The following UBE2D2 variants were observed in gnomAD, a reference collection of about 807,000 sequenced individuals.
UBE2D2 encodes the protein ubiquitin conjugating enzyme E2 D2, also known as ubiquitin-conjugating enzyme E2 D2.
In UBE2D2, 2 loss-of-function variants were observed where a neutral mutation model predicts 24.2. The ratio of observed to expected loss-of-function variants is 0.08; its 90% confidence interval spans 0.03 to 0.26. UBE2D2 has a LOEUF of 0.26. UBE2D2 is among the 10% of genes least tolerant of loss of function. The probability of loss-of-function intolerance (pLI) is 1.00; values close to 1 mark genes in which losing one functional copy is unlikely to be tolerated. For missense variants in UBE2D2, 44 were observed against 177.6 expected (o/e 0.25, Z 4.28); for synonymous variants, 58 against 56.5 (o/e 1.03, Z -0.12).
intron 1 of UBE2D2, among the ~76,000 whole-genome samples, chr5:139,586,524 G>C (rs1753729144): frequency 6.6e-6 from 1 of 152,154 alleles, no homozygotes; most frequent in South Asian, 2.1e-4. Context: ...CCCACACTTT[G>C]GGAGGCCGAG....
At chr5:139,621,746 C>T (rs923693962) in intron 5 of UBE2D2, among the ~76,000 whole-genome samples, 2 of 152,088 alleles carry the variant, frequency 1.3e-5, no homozygotes, top group Admixed American at 6.6e-5. Flanking sequence ...CCTCAGCCTC[C>T]TGAGTAGCTG....
chr5:139,593,324 C>T (rs1753886359), intron 1 of UBE2D2, among the ~76,000 whole-genome samples: 1 of 152,054 alleles, frequency 6.6e-6, no homozygotes, highest in Admixed American at 6.6e-5. Flanking sequence ...TTGTACATTT[C>T]TAATATTTTA....
intron 5 of UBE2D2, among the ~76,000 whole-genome samples, chr5:139,618,036 C>T (rs1754450531): frequency 6.6e-6 from 1 of 151,668 alleles, no homozygotes; most frequent in African/African-American, 2.4e-5. Flanking sequence ...TGCAGTGGCG[C>T]AATCTCGGCT....
chr5:139,529,237 C>T (rs531558001), intron 1 of UBE2D2, among the ~76,000 whole-genome samples: 1 of 152,254 alleles, frequency 6.6e-6, no homozygotes, highest in African/African-American at 2.4e-5. Context: ...TGTGCTATGA[C>T]CCCTCTGAAC....
chr5:139,590,343 G>A (rs1436239185), intron 1 of UBE2D2, among the ~76,000 whole-genome samples: 1 of 151,474 alleles, frequency 6.6e-6, no homozygotes, highest in African/African-American at 2.4e-5. Flanking sequence ...GCGGCTGCAG[G>A]AGAATCGCTT....
chr5:139,618,025 G>C (rs1754450193), intron 5 of UBE2D2, among the ~76,000 whole-genome samples: 1 of 151,888 alleles, frequency 6.6e-6, no homozygotes, highest in Non-Finnish European at 1.5e-5. Context: ...CCAGGCTGGA[G>C]TGCAGTGGCG....
rs1469475928 is a variant in UBE2D2 at position 139,627,598 on chromosome 5, T to A, written c.*797T>A. The A allele has an allele frequency of 6.5e-6, 1 of 152,702 alleles. No homozygotes were observed. The highest frequency in any genetic ancestry group is 1.9e-4 in the East Asian group (1 of 5,204). The allele number at this position is 152,702 out of a possible 1,614,324, so 9.5% of individuals were successfully genotyped here. A position where few individuals can be genotyped will look rare whatever the true frequency, so the allele number is the denominator to read the frequency against. On this transcript the variant is annotated 3_prime_UTR_variant, in exon 7 of 7. Coordinates refer to ENST00000398733, the MANE Select transcript of UBE2D2 (RefSeq NM_003339.3). ...AAAATTCATTTGATGGAAATACTTGTGTATATTTAAAGACCCAATTGCTCC... is the reference window on the plus strand; with the variant it reads ...AAAATTCATTTGATGGAAATACTTGAGTATATTTAAAGACCCAATTGCTCC...
At chr5:139,556,532 A>G (rs1378099223), upstream of UBE2D2, among the ~76,000 whole-genome samples, 1 of 152,216 alleles carries the variant, frequency 6.6e-6, no homozygotes, top group Non-Finnish European at 1.5e-5. Context: ...AATAAGGACA[A>G]AATTTTGTTC....
intron 1 of UBE2D2, among the ~76,000 whole-genome samples, chr5:139,543,148 G>C (rs1461613809): frequency 6.6e-6 from 1 of 152,158 alleles, no homozygotes; most frequent in Non-Finnish European, 1.5e-5. Flanking sequence ...GTCTGCCTCA[G>C]CCTCCCAAAG....
intron 1 of UBE2D2, among the ~76,000 whole-genome samples, chr5:139,534,288 C>A (rs1012290303): frequency 6.6e-6 from 1 of 151,834 alleles, no homozygotes; most frequent in African/African-American, 2.4e-5. Context: ...CAAAATTAGC[C>A]AGGGGCAGTG....
chr5:139,565,535 C>T (rs959257456), intron 1 of UBE2D2, among the ~76,000 whole-genome samples: 2 of 152,126 alleles, frequency 1.3e-5, no homozygotes, highest in African/African-American at 4.8e-5. Flanking sequence ...AGCAGCACCA[C>T]CCCCAGCCCT....
chr5:139,581,254 C>G (rs928262011), intron 1 of UBE2D2, among the ~76,000 whole-genome samples: 1 of 152,090 alleles, frequency 6.6e-6, no homozygotes, highest in African/African-American at 2.4e-5. Flanking sequence ...TGAGACCAGC[C>G]TGGCCAAGAT....
chr5:139,571,510 G>A (rs1753351482), intron 1 of UBE2D2, among the ~76,000 whole-genome samples: 1 of 151,634 alleles, frequency 6.6e-6, no homozygotes. Context: ...CAATAATTCT[G>A]TTCTCCCCAG....
intron 1 of UBE2D2, among the ~76,000 whole-genome samples, chr5:139,554,276 CT>C (rs1752954224): frequency 6.6e-6 from 1 of 151,972 alleles, no homozygotes; most frequent in Non-Finnish European, 1.5e-5. Flanking sequence ...TCAGGTGATC[CT>C]CCCACCTCAG....
intron 1 of UBE2D2, among the ~76,000 whole-genome samples, chr5:139,584,981 A>G (rs1333276772): frequency 1.4e-5 from 2 of 147,122 alleles, no homozygotes; most frequent in Non-Finnish European, 3.0e-5. Flanking sequence ...GCTGACTGCA[A>G]CCTCCATCTC....
chr5:139,578,376 C>T (rs1297319290), intron 1 of UBE2D2, among the ~76,000 whole-genome samples: 5 of 152,030 alleles, frequency 3.3e-5, no homozygotes, highest in African/African-American at 2.4e-5. Flanking sequence ...CTCTCATTCA[C>T]TTAGTTATTT....
intron 1 of UBE2D2, among the ~76,000 whole-genome samples, chr5:139,543,829 G>A (rs1351913568): frequency 6.6e-6 from 1 of 152,176 alleles, no homozygotes; most frequent in Admixed American, 6.5e-5. Context: ...AAATTAGAGG[G>A]AAATCAGCAA....
intron 1 of UBE2D2, chr5:139,562,310 A>G (rs1401732836): frequency 7.4e-7 from 1 of 1,350,084 alleles, no homozygotes; most frequent in Non-Finnish European, 9.8e-7. Context: ...CCACAAGTAT[A>G]TCCTGAGTTC....
intron 1 of UBE2D2, among the ~76,000 whole-genome samples, chr5:139,597,380 G>T (rs1753982873): frequency 6.6e-6 from 1 of 152,208 alleles, no homozygotes; most frequent in African/African-American, 2.4e-5. Flanking sequence ...AGCTGTATCA[G>T]TGCCATCAGC....
Sources: gnomAD v4.1 joint callset for allele counts (sites outside exome capture counted in the v4.1 genomes callset) on GRCh38, gnomAD v4.1.1 for gene constraint, MANE v1.5 for transcripts, NCBI Gene and HGNC (gene_info 2026-07-23, HGNC 2026-07-21) for gene names.